The following SLC35D1 variants were observed in gnomAD, a reference collection of about 807,000 sequenced individuals.
The protein encoded by SLC35D1 is nucleotide sugar transporter SLC35D1.
A neutral mutation model predicts 46.7 loss-of-function variants in SLC35D1; 31 were observed. The ratio of observed to expected loss-of-function variants is 0.66; its 90% CI spans 0.50 to 0.90. The LOEUF (loss-of-function observed/expected upper bound fraction) is 0.90. Among genes scored for constraint, SLC35D1 ranks in the 40% least tolerant of loss-of-function variants. The pLI, the probability that SLC35D1 is intolerant of heterozygous loss-of-function variation, is 0.00. For synonymous variants in SLC35D1, 195 were observed against 164.6 expected, an observed-to-expected ratio of 1.18 and a Z score of -1.41; for missense variants, 397 against 426.2, an observed-to-expected ratio of 0.93 and a Z score of 0.60.
At chr1:67,006,836 T>C (rs568060037) in intron 11 of SLC35D1, among the ~76,000 whole-genome samples, 23 of 152,176 alleles carry the variant, frequency 1.5e-4, no homozygotes, top group Non-Finnish European at 3.1e-4. Flanking sequence ...CAGTCAAGCA[T>C]CCAAATCTCA....
chr1:67,042,148 C>A, intron 8 of SLC35D1, 88 bp downstream of exon 8: 2 of 1,280,102 alleles, frequency 1.6e-6, no homozygotes, highest in Non-Finnish European at 2.3e-6. Flanking sequence ...AAGCATATTT[C>A]TTTTGAACAA....
intron 6 of SLC35D1, among the ~76,000 whole-genome samples, chr1:67,049,339 G>C (rs528017307): frequency 6.6e-6 from 1 of 151,764 alleles, no homozygotes; most frequent in Non-Finnish European, 1.5e-5. Flanking sequence ...AAACACACAG[G>C]CTCTGAAGAA....
chr1:67,051,660 C>T (rs1002824927), intron 4 of SLC35D1, among the ~76,000 whole-genome samples: 1 of 152,158 alleles, frequency 6.6e-6, no homozygotes, highest in Non-Finnish European at 1.5e-5. Flanking sequence ...TATTTATGAA[C>T]TATACTAAAG....
chr1:67,044,469 G>A (rs1346861799), intron 7 of SLC35D1, among the ~76,000 whole-genome samples: 1 of 152,102 alleles, frequency 6.6e-6, no homozygotes, highest in Non-Finnish European at 1.5e-5. Flanking sequence ...TTCAAGAAAT[G>A]GTACTAAGTG....
intron 8 of SLC35D1, among the ~76,000 whole-genome samples, chr1:67,025,598 T>A (rs1418293839): frequency 2.0e-5 from 3 of 152,238 alleles, no homozygotes; most frequent in Admixed American, 2.0e-4. Context: ...TGCTTGTCAA[T>A]ATCTACAAAA....
intron 6 of SLC35D1, among the ~76,000 whole-genome samples, chr1:67,049,543 A>G (rs996045598): frequency 1.1e-4 from 17 of 152,248 alleles, no homozygotes; most frequent in Non-Finnish European, 1.6e-4. Flanking sequence ...GCTCAGCACA[A>G]CGACAGTAAC....
the SLC35D1 span, among the ~76,000 whole-genome samples, chr1:66,989,553 C>T: frequency 6.6e-6 from 1 of 152,170 alleles, no homozygotes; most frequent in Non-Finnish European, 1.5e-5. Flanking sequence ...GCCTTGACCT[C>T]CTTGGGCGCA....
At chr1:67,024,739 AC>A (rs1371540809) in intron 8 of SLC35D1, among the ~76,000 whole-genome samples, 1 of 150,622 alleles carries the variant, frequency 6.6e-6, no homozygotes, top group Non-Finnish European at 1.5e-5. Context: ...CTAATTTCCC[AC>A]CCCGCCCCCC....
At chr1:67,037,885 A>T (rs1260441020) in intron 8 of SLC35D1, among the ~76,000 whole-genome samples, 3 of 152,252 alleles carry the variant, frequency 2.0e-5, no homozygotes, top group Non-Finnish European at 4.4e-5. Flanking sequence ...CTGAAAGTAA[A>T]CTGTTAGGAA....
At chr1:67,044,591 C>G (rs1645231058) in intron 7 of SLC35D1, among the ~76,000 whole-genome samples, 1 of 152,188 alleles carries the variant, frequency 6.6e-6, no homozygotes, top group African/African-American at 2.4e-5. Flanking sequence ...CAAAACAGTG[C>G]TTCTCACTCG....
chr1:67,010,812 T>C (rs1287449809), intron 10 of SLC35D1, among the ~76,000 whole-genome samples: 4 of 152,170 alleles, frequency 2.6e-5, no homozygotes, highest in Non-Finnish European at 4.4e-5. Flanking sequence ...ATATATTTCT[T>C]TAACATACAG....
At chr1:66,991,525 C>T in the SLC35D1 span, among the ~76,000 whole-genome samples, 2 of 152,222 alleles carry the variant, frequency 1.3e-5, no homozygotes, top group African/African-American at 4.8e-5. Context: ...GGAAGTGTTT[C>T]TGAACCACTG....
At chr1:67,035,902 ATT>A (rs1470473931) in intron 8 of SLC35D1, among the ~76,000 whole-genome samples, 1 of 146,954 alleles carries the variant, frequency 6.8e-6, no homozygotes, top group East Asian at 2.0e-4. Flanking sequence ...TTCCATTATC[ATT>A]TGTTTCAAAA....
the SLC35D1 span, among the ~76,000 whole-genome samples, chr1:66,983,446 AT>A: frequency 6.6e-6 from 1 of 152,018 alleles, no homozygotes; most frequent in East Asian, 1.9e-4. Flanking sequence ...AAGCAATTAA[AT>A]TGTAATTATT....
chr1:67,030,800 G>C (rs1250433408), intron 8 of SLC35D1, among the ~76,000 whole-genome samples: 2 of 152,124 alleles, frequency 1.3e-5, no homozygotes, highest in African/African-American at 2.4e-5. Flanking sequence ...GTTTAATCAG[G>C]CTTCCTGATA....
chr1:67,049,383 C>T, intron 6 of SLC35D1, among the ~76,000 whole-genome samples: 1 of 151,872 alleles, frequency 6.6e-6, no homozygotes, highest in East Asian at 1.9e-4. Context: ...CTGCCATTAG[C>T]TCTGTGACCT....
downstream of SLC35D1, among the ~76,000 whole-genome samples, chr1:66,996,328 C>T (rs1489486747): frequency 1.3e-5 from 2 of 152,244 alleles, no homozygotes; most frequent in Non-Finnish European, 2.9e-5. Context: ...AGCTTTAAAT[C>T]CACAGTGGGT....
In SLC35D1 at chr1:67,000,276, G is replaced by A. The variant is rs1281949878; in HGVS notation, c.*4064C>T. On this transcript the variant is annotated 3_prime_UTR_variant, in exon 12 of 12. Coordinates refer to ENST00000235345, the MANE Select transcript of SLC35D1 (RefSeq NM_015139.3). ...TCCAGCCTGGCTGGCGACAGAGCAA[G>A]ACCTTCTTTCTTTTTTTTTTTTTTT... 3.4e-5 allele frequency: 5 copies of A among 148,530 alleles called. No homozygotes were observed. The highest frequency in any genetic ancestry group is 1.2e-4 in the African/African-American group (5 of 40,492). The allele number at this position is 148,530 out of a possible 1,614,324, so 9.2% of individuals were successfully genotyped here. A position where few individuals can be genotyped will look rare whatever the true frequency, so the allele number is the denominator to read the frequency against.
In SLC35D1 at chr1:67,050,342, T is replaced by C. The variant is rs371751991; in HGVS notation, c.464+91A>G. On this transcript the variant is annotated intron_variant, in intron 5 of 11. Coordinates refer to ENST00000235345, the MANE Select transcript of SLC35D1 (RefSeq NM_015139.3). ...TGCTTAAACTTCTCAAAAGGTAAGG[T>C]AGGAACAAGACAAATAATTTAATAT... The C allele has an allele frequency of 3.5e-5, 35 of 987,214 alleles. No homozygotes were observed. The East Asian group carries it at 5.2e-4, about 15-fold the overall frequency. The allele number at this position is 987,214 out of a possible 1,614,324, so 61.2% of individuals were successfully genotyped here. A position where few individuals can be genotyped will look rare whatever the true frequency, so the allele number is the denominator to read the frequency against.
Sources: gnomAD v4.1 joint callset for allele counts (sites outside exome capture counted in the v4.1 genomes callset) on GRCh38, gnomAD v4.1.1 for gene constraint, MANE v1.5 for transcripts, NCBI Gene and HGNC (gene_info 2026-07-23, HGNC 2026-07-21) for gene names.